Variants in SYK observed in about 807,000 individuals in gnomAD.
SYK encodes spleen associated tyrosine kinase.
A neutral mutation model predicts 77.8 loss-of-function variants in SYK; 16 were observed. The observed-to-expected ratio is 0.21, with a 90% CI of 0.14 to 0.31. The LOEUF is 0.31. Among genes scored for constraint, SYK ranks in the 10% least tolerant of loss-of-function variants. The pLI is 1.00. For synonymous variants in SYK, 312 were observed against 308.7 expected (o/e 1.01, Z -0.11); for missense variants, 529 against 814.4 (o/e 0.65, Z 4.26).
intron 1 of SYK, among the ~76,000 whole-genome samples, chr9:90,816,612 A>G (rs112190201): frequency 2.8e-4 from 43 of 152,244 alleles, no homozygotes; most frequent in African/African-American, 9.6e-4. Context: ...AATCAAGCCA[A>G]TTAACATACC....
rs72729087 is a variant in SYK, at chr9:90,898,029, C to T, written c.*2429C>T. 34,194 of 228,014 alleles carry T rather than the reference C, an allele frequency of 0.15. 2,770 individuals carry two copies. The highest frequency in any genetic ancestry group is 0.23 in the Admixed American group (3,998 of 17,618). 14.1% of individuals were successfully genotyped at this position (228,014 alleles called of 1,614,324 possible). On this transcript the variant is annotated 3_prime_UTR_variant, in exon 14 of 14. Coordinates refer to ENST00000375754, the MANE Select transcript of SYK (RefSeq NM_003177.7). ...AGCTAGCTTGGGCTGGATTCTCATA[C>T]CCAGGCTGCCCCTTGGATTGTTCTA...
At chr9:90,864,365 G>A (rs1228528085) in intron 4 of SYK, among the ~76,000 whole-genome samples, 2 of 152,172 alleles carry the variant, frequency 1.3e-5, no homozygotes, top group African/African-American at 4.8e-5. Flanking sequence ...ACCACTTTCT[G>A]GCCCTTTACA....
chr9:90,822,438 A>G (rs534329842), intron 1 of SYK, among the ~76,000 whole-genome samples: 3 of 152,342 alleles, frequency 2.0e-5, no homozygotes, highest in African/African-American at 7.2e-5. Context: ...TTTCGTTTAA[A>G]CTTAGTAGCA....
chr9:90,887,309 C>A (rs1051005316), intron 11 of SYK, among the ~76,000 whole-genome samples: 2 of 151,904 alleles, frequency 1.3e-5, no homozygotes, highest in Non-Finnish European at 2.9e-5. Flanking sequence ...ATCCACTCAT[C>A]TGCTGAAGGA....
intron 3 of SYK, among the ~76,000 whole-genome samples, chr9:90,853,347 C>A (rs1216892088): frequency 6.6e-6 from 1 of 151,262 alleles, no homozygotes; most frequent in Non-Finnish European, 1.5e-5. Context: ...AAGAGCAGGG[C>A]AGACCCAGCC....
At position 90,872,070 on chromosome 9, in the gene SYK, C is replaced by T. The variant is rs1048880544; in HGVS notation, c.916-2134C>T. 3.9e-5 allele frequency among the ~76,000 whole-genome samples: 6 copies of T among 152,238 alleles called. No individual in the cohort carries two copies. The South Asian group carries it at 1.0e-3, about 26-fold the overall frequency. Reference sequence around the variant, plus strand: ...GCTACTAATTCTTACTCATTCCTGACACCCTAGTATCCCTTTCAGCATATT... The same window carrying T: ...GCTACTAATTCTTACTCATTCCTGATACCCTAGTATCCCTTTCAGCATATT... On this transcript the variant is annotated intron_variant, in intron 7 of 13. Coordinates refer to ENST00000375754, the MANE Select transcript of SYK (RefSeq NM_003177.7).
At chr9:90,848,989 G>A (rs1826709204) in intron 3 of SYK, among the ~76,000 whole-genome samples, 1 of 152,208 alleles carries the variant, frequency 6.6e-6, no homozygotes, top group South Asian at 2.1e-4. Flanking sequence ...CCCTGTGGCA[G>A]GAGCGTGCCT....
intron 13 of SYK, among the ~76,000 whole-genome samples, chr9:90,892,058 G>T (rs1828811551): frequency 6.6e-6 from 1 of 152,172 alleles, no homozygotes; most frequent in Non-Finnish European, 1.5e-5. Context: ...ATTAACAAAA[G>T]AAAAGCTTAC....
chr9:90,845,332 C>A, intron 2 of SYK, 102 bp from the exon 3 acceptor site: 1 of 1,279,050 alleles, frequency 7.8e-7, no homozygotes, highest in Non-Finnish European at 1.1e-6. Flanking sequence ...AGTTTTGATC[C>A]TGTTTTACCA....
At chr9:90,890,877 A>G (rs1280438705) in intron 13 of SYK, among the ~76,000 whole-genome samples, 1 of 152,220 alleles carries the variant, frequency 6.6e-6, no homozygotes, top group East Asian at 1.9e-4. Flanking sequence ...ACACACAAGA[A>G]GTGAGTTTAA....
At chr9:90,889,023 C>A (rs1828687749) in intron 13 of SYK, among the ~76,000 whole-genome samples, 1 of 152,152 alleles carries the variant, frequency 6.6e-6, no homozygotes, top group African/African-American at 2.4e-5. Context: ...TTACCATGAG[C>A]AGTGAGGGGT....
chr9:90,821,663 T>A (rs1200520260), intron 1 of SYK, among the ~76,000 whole-genome samples: 7 of 152,168 alleles, frequency 4.6e-5, no homozygotes, highest in Non-Finnish European at 1.0e-4. Context: ...GGCACAAAAT[T>A]TTAGCCACAT....
chr9:90,863,086 C>T (rs1411266411), intron 4 of SYK, among the ~76,000 whole-genome samples: 2 of 152,228 alleles, frequency 1.3e-5, no homozygotes, highest in Non-Finnish European at 2.9e-5. Context: ...TAAAATAATG[C>T]TCATCACTGC....
At chr9:90,820,862 T>C (rs532211960) in intron 1 of SYK, among the ~76,000 whole-genome samples, 189 of 110,704 alleles carry the variant, frequency 1.7e-3, no homozygotes, top group African/African-American at 7.0e-3. Context: ...TTTTATGCTC[T>C]TTTTTTTTTT....
In SYK at chr9:90,887,900, C is replaced by A; in HGVS notation, c.1722+11C>A. 1.3e-6 allele frequency: 2 copies of A among 1,571,414 alleles called. No individual in the cohort carries two copies. The highest frequency in any genetic ancestry group is 1.2e-5 in the South Asian group (1 of 86,822). The stretch of plus-strand genomic sequence containing the variant: ...CAGAAGCCATATCGAGTGAGCCAGT[C>A]CTGCTTCATTTTCTCACTGTGGGGC... On this transcript the variant is annotated intron_variant, in intron 12 of 13. Coordinates refer to ENST00000375754, the MANE Select transcript of SYK (RefSeq NM_003177.7).
At chr9:90,894,027 G>C (rs1317376055) in intron 13 of SYK, among the ~76,000 whole-genome samples, 1 of 152,216 alleles carries the variant, frequency 6.6e-6, no homozygotes, top group Non-Finnish European at 1.5e-5. Flanking sequence ...TAGGAGACCT[G>C]ACCAGGTGTT....
intron 13 of SYK, among the ~76,000 whole-genome samples, chr9:90,894,540 G>A (rs1021062778): frequency 5.3e-5 from 8 of 152,158 alleles, no homozygotes; most frequent in African/African-American, 1.9e-4. Flanking sequence ...CCTGATGCGC[G>A]TTCTATGGCT....
intron 13 of SYK, among the ~76,000 whole-genome samples, chr9:90,894,975 C>G (rs905094940): frequency 6.6e-6 from 1 of 152,214 alleles, no homozygotes; most frequent in African/African-American, 2.4e-5. Flanking sequence ...ATGTTTTGAG[C>G]TTTCCTAAGA....
intron 9 of SYK, among the ~76,000 whole-genome samples, chr9:90,876,287 C>CAAAAAA (rs71923873): frequency 1.7e-5 from 2 of 120,060 alleles, no homozygotes; most frequent in African/African-American, 6.4e-5. Context: ...AACTCTGCCT[C>CAAAAAA]AAAAAAAAAA....
Sources: gnomAD v4.1 joint callset for allele counts (sites outside exome capture counted in the v4.1 genomes callset) on GRCh38, gnomAD v4.1.1 for gene constraint, MANE v1.5 for transcripts, NCBI Gene and HGNC (gene_info 2026-07-23, HGNC 2026-07-21) for gene names.